The following ALKAL1 variants were observed in gnomAD, a reference collection of about 807,000 sequenced individuals.
The protein encoded by ALKAL1 is AUG-beta.
In ALKAL1, 23 loss-of-function variants were observed where a neutral mutation model predicts 13.5. The ratio of observed to expected loss-of-function variants is 1.70; its 90% confidence interval spans 1.23 to 2.41. The LOEUF (loss-of-function observed/expected upper bound fraction) is 2.41. Ranked by LOEUF, ALKAL1 falls within the 30% of genes most tolerant of loss-of-function variation. The pLI is 0.00. For missense variants in ALKAL1, 181 were observed against 178.4 expected (o/e 1.01, Z -0.08); for synonymous variants, 85 against 77.7 (o/e 1.09, Z -0.49).
intron 1 of ALKAL1, among the ~76,000 whole-genome samples, chr8:52,555,903 A>G (rs1590869733): frequency 6.6e-6 from 1 of 152,122 alleles, no homozygotes; most frequent in South Asian, 2.1e-4. Flanking sequence ...TTCTTCCTTC[A>G]TGATAGTCAT....
In ALKAL1 at chr8:52,541,590, A is replaced by G. The variant is rs978397225; in HGVS notation, c.244+802T>C. 2.9e-4 allele frequency among the ~76,000 whole-genome samples: 44 copies of G among 152,240 alleles called. 1 individual carries two copies. The highest frequency in any genetic ancestry group is 9.4e-4 in the African/African-American group (39 of 41,534). ...TGAGACCAGCCTGGCGAATGTGGTG[A>G]AACCCCATCTCTACTAAAAATACAA... is the stretch of plus-strand genomic sequence containing the variant. On this transcript the variant is annotated intron_variant, in intron 2 of 4. Transcript: ENST00000358543.
At chr8:52,541,460 C>A (rs1341365765) in intron 2 of ALKAL1, among the ~76,000 whole-genome samples, 2 of 152,062 alleles carry the variant, frequency 1.3e-5, no homozygotes, top group Non-Finnish European at 2.9e-5. Flanking sequence ...TGGAGCCAGA[C>A]CCTGTCTCAA....
chr8:52,558,652 G>C (rs1036638176), intron 1 of ALKAL1, among the ~76,000 whole-genome samples: 21 of 151,918 alleles, frequency 1.4e-4, no homozygotes, highest in African/African-American at 4.6e-4. Context: ...CTCGTTTATA[G>C]GCATTGGCTG....
intron 2 of ALKAL1, 80 bp downstream of exon 2, chr8:52,542,312 T>C (rs746849791): frequency 1.1e-5 from 10 of 924,980 alleles, no homozygotes; most frequent in Admixed American, 4.9e-5. Context: ...TTTATTTTCA[T>C]ATCCCTAGTG....
chr8:52,565,186 C>A lies in ALKAL1; in HGVS notation c.71G>T (p.Gly24Val). Residue 24 changes from glycine (G) to valine (V), a missense_variant, in exon 1 of 5, where the codon GGA becomes GTA. By Grantham distance (109) the Gly-to-Val change is moderately radical. Coordinates refer to ENST00000358543, the MANE Select transcript of ALKAL1 (RefSeq NM_207413.4). ...FLLALALSPH[G>V]AHGRPRGRRG... ...GCGCCCCCGGGGCCTCCCGTGGGCT[C>A]CGTGCGGGGACAAAGCCAGCGCCAG... 1 of 1,372,712 alleles carries A rather than the reference C, an allele frequency of 7.3e-7. No individual in the cohort carries two copies. The allele number at this position is 1,372,712 out of a possible 1,614,324, so 85.0% of individuals were successfully genotyped here.
chr8:52,541,460 C>T (rs1341365765), intron 2 of ALKAL1, among the ~76,000 whole-genome samples: 2 of 152,062 alleles, frequency 1.3e-5, no homozygotes, highest in African/African-American at 4.8e-5. Flanking sequence ...TGGAGCCAGA[C>T]CCTGTCTCAA....
intron 1 of ALKAL1, among the ~76,000 whole-genome samples, chr8:52,545,089 T>G (rs1847356459): frequency 6.6e-6 from 1 of 152,030 alleles, no homozygotes; most frequent in African/African-American, 2.4e-5. Flanking sequence ...CATAAACTAT[T>G]TTTAATAATA....
At chr8:52,538,622 C>T (rs1847285312) in intron 3 of ALKAL1, 115 bp from the exon 4 acceptor site, 9 of 671,890 alleles carry the variant, frequency 1.3e-5, no homozygotes, top group South Asian at 6.0e-5. Flanking sequence ...TAAATACCTA[C>T]TATGTTAAGT....
intron 1 of ALKAL1, among the ~76,000 whole-genome samples, chr8:52,552,864 C>T (rs1437480595): frequency 1.3e-5 from 2 of 152,190 alleles, no homozygotes; most frequent in African/African-American, 4.8e-5. Flanking sequence ...CTCCAATCAA[C>T]CCTGGTTCTT....
intron 4 of ALKAL1, among the ~76,000 whole-genome samples, chr8:52,537,745 A>G (rs1847276884): frequency 1.3e-5 from 2 of 151,758 alleles, no homozygotes; most frequent in Non-Finnish European, 2.9e-5. Context: ...TCTCACTCAT[A>G]TGAGGGAGCT....
chr8:52,548,910 C>A (rs1399667586), intron 1 of ALKAL1, among the ~76,000 whole-genome samples: 1 of 151,958 alleles, frequency 6.6e-6, no homozygotes, highest in Non-Finnish European at 1.5e-5. Context: ...GGCATACTAT[C>A]TCTTATTCTT....
chr8:52,561,109 G>C (rs1441574137), intron 1 of ALKAL1, among the ~76,000 whole-genome samples: 1 of 151,974 alleles, frequency 6.6e-6, no homozygotes, highest in Non-Finnish European at 1.5e-5. Flanking sequence ...CCCCCTCCCA[G>C]GTGATATGCA....
chr8:52,560,628 T>A (rs1402878875), intron 1 of ALKAL1, among the ~76,000 whole-genome samples: 2 of 152,188 alleles, frequency 1.3e-5, no homozygotes, highest in Non-Finnish European at 2.9e-5. Flanking sequence ...AACCCCACAG[T>A]GGGTGATTCT....
At chr8:52,549,338 G>A (rs1164666681) in intron 1 of ALKAL1, among the ~76,000 whole-genome samples, 2 of 151,774 alleles carry the variant, frequency 1.3e-5, no homozygotes, top group Non-Finnish European at 2.9e-5. Flanking sequence ...GAGAATTATA[G>A]ATGAGAACTG....
At chr8:52,538,278 G>T (rs1847281183) in intron 4 of ALKAL1, among the ~76,000 whole-genome samples, 153 bp downstream of exon 4, 1 of 152,000 alleles carries the variant, frequency 6.6e-6, no homozygotes, top group Non-Finnish European at 1.5e-5. Context: ...ATATAAAAAA[G>T]AATAAATGTT....
At chr8:52,546,612 T>C (rs1356868345) in intron 1 of ALKAL1, among the ~76,000 whole-genome samples, 1 of 152,202 alleles carries the variant, frequency 6.6e-6, no homozygotes, top group Non-Finnish European at 1.5e-5. Context: ...AGCAACTTCC[T>C]TTTCTTCTTG....
Position 52,534,130 on chromosome 8 carries a change from A to G in ALKAL1, c.*483T>C, listed in dbSNP as rs1011383730. On this transcript the variant is annotated 3_prime_UTR_variant, in exon 5 of 5. Coordinates refer to ENST00000358543, the MANE Select transcript of ALKAL1 (RefSeq NM_207413.4). Reference sequence around the variant, plus strand: ...ACAGTTCAAATTAATGCAAGTGAAGACAACAAGTTCTAAATAAATGTATTT... The same window carrying G: ...ACAGTTCAAATTAATGCAAGTGAAGGCAACAAGTTCTAAATAAATGTATTT... 2 of 148,652 alleles carry G rather than the reference A, an allele frequency of 1.3e-5. No homozygotes were observed. The highest frequency in any genetic ancestry group is 5.3e-5 in the African/African-American group (2 of 38,046). The allele number at this position is 148,652 out of a possible 1,614,324, so 9.2% of individuals were successfully genotyped here.
At chr8:52,555,167 T>C (rs931895979) in intron 1 of ALKAL1, among the ~76,000 whole-genome samples, 5 of 141,856 alleles carry the variant, frequency 3.5e-5, no homozygotes, top group African/African-American at 1.1e-4. Flanking sequence ...CGAGACTCTG[T>C]CTCAGAAAAA....
At chr8:52,551,071 A>G (rs960531821) in intron 1 of ALKAL1, among the ~76,000 whole-genome samples, 1 of 152,196 alleles carries the variant, frequency 6.6e-6, no homozygotes, top group African/African-American at 2.4e-5. Flanking sequence ...TTTGCTCAAA[A>G]TTATTTTTAA....
Sources: allele counts gnomAD v4.1 joint callset (sites outside exome capture counted in the v4.1 genomes callset), GRCh38; gene constraint gnomAD v4.1.1; transcripts MANE v1.5; gene names NCBI Gene and HGNC (gene_info 2026-07-23, HGNC 2026-07-21).